Variants in SCUBE1 observed in about 807,000 individuals in gnomAD.
SCUBE1 encodes the protein signal peptide, CUB domain and EGF like domain containing 1.
A neutral mutation model predicts 124.4 loss-of-function variants in SCUBE1; 59 were observed. That is an observed-to-expected ratio of 0.47 (90% confidence interval 0.38 to 0.59). SCUBE1 has a LOEUF of 0.59. SCUBE1 is among the 20% of genes least tolerant of loss of function. SCUBE1 has a pLI of 0.00. For missense variants in SCUBE1, 1,150 were observed against 1,371.2 expected, an observed-to-expected ratio of 0.84 and a Z score of 2.55; for synonymous variants, 545 against 550.9, an observed-to-expected ratio of 0.99 and a Z score of 0.15.
intron 4 of SCUBE1, among the ~76,000 whole-genome samples, chr22:43,270,903 C>G (rs923491521): frequency 5.9e-5 from 9 of 152,224 alleles, no homozygotes; most frequent in African/African-American, 2.2e-4. Flanking sequence ...TGAAAGTTCT[C>G]AGCATGGGAC....
In SCUBE1 at chr22:43,198,035, T is replaced by G. The variant is rs759315787; in HGVS notation, c.*5962A>C. ...GATGGGCTTGAGTTTGATTCCCAAA[T>G]CCAGGGACTACCAACTCTTTGCCTT... is the stretch of plus-strand genomic sequence containing the variant. On this transcript the variant is annotated 3_prime_UTR_variant, in exon 22 of 22. Transcript: ENST00000360835. 1 of 154,346 alleles carries G rather than the reference T, an allele frequency of 6.5e-6. No homozygotes were observed. The highest frequency in any genetic ancestry group is 1.9e-4 in the East Asian group (1 of 5,200). The allele number at this position is 154,346 out of a possible 1,614,324, so 9.6% of individuals were successfully genotyped here. A position where few individuals can be genotyped will look rare whatever the true frequency, so the allele number is the denominator to read the frequency against.
intron 7 of SCUBE1, among the ~76,000 whole-genome samples, chr22:43,235,308 C>T (rs1399248084): frequency 6.6e-6 from 1 of 151,840 alleles, no homozygotes; most frequent in African/African-American, 2.4e-5. Flanking sequence ...TAGGGACGCA[C>T]AGGACACTGG....
rs1443962184 is a variant in SCUBE1 at position 43,211,348 on chromosome 22, T to C, written c.2222-265A>G. Among the ~76,000 whole-genome samples, 1 of 151,726 alleles carries C rather than the reference T, an allele frequency of 6.6e-6. No homozygotes were observed. Among genetic ancestry groups the C allele is most frequent in the Non-Finnish European group, 1.5e-5 (1 of 67,926 alleles). ...ACACAGGCCACCTTGATGGGAGCCA[T>C]TTTCAGGGAGAGCGGGGGCGATGAT... On this transcript the variant is annotated intron_variant, in intron 17 of 21. Transcript: ENST00000360835. This position sits in a 1 kb window ranked among gnomAD's most constrained non-coding sequence, Gnocchi z 4.5.
chr22:43,227,569 G>A, intron 9 of SCUBE1, 73 bp from the exon 10 acceptor site: 2 of 1,563,496 alleles, frequency 1.3e-6, no homozygotes, highest in Non-Finnish European at 1.7e-6. Flanking sequence ...GGACCACCCA[G>A]GGCAAGAGGG....
intron 6 of SCUBE1, among the ~76,000 whole-genome samples, chr22:43,244,228 T>C (rs1923117157): frequency 1.3e-5 from 2 of 152,164 alleles, no homozygotes; most frequent in South Asian, 4.1e-4. Context: ...CCCCTTGGCC[T>C]TGAATAACCA....
At chr22:43,277,608 TA>T (rs1924584730) in intron 4 of SCUBE1, among the ~76,000 whole-genome samples, 1 of 152,198 alleles carries the variant, frequency 6.6e-6, no homozygotes, top group Non-Finnish European at 1.5e-5. Context: ...ACTTCTTCAC[TA>T]CGGACAAGTC....
chr22:43,220,156 G>A (rs546589542), intron 14 of SCUBE1, among the ~76,000 whole-genome samples: 40 of 152,314 alleles, frequency 2.6e-4, no homozygotes, highest in African/African-American at 8.7e-4. Context: ...GTCCTCCCGG[G>A]TCCCAGCAGG....
chr22:43,284,923 A>G (rs737753), intron 4 of SCUBE1, among the ~76,000 whole-genome samples: 1 of 152,082 alleles, frequency 6.6e-6, no homozygotes, highest in African/African-American at 2.4e-5. Context: ...TGGGCTCGAG[A>G]CCCACGAGGA....
At chr22:43,296,562 C>CA (rs1925566868) in intron 3 of SCUBE1, among the ~76,000 whole-genome samples, 1 of 152,246 alleles carries the variant, frequency 6.6e-6, no homozygotes, top group African/African-American at 2.4e-5. Flanking sequence ...AGGCTCCTTT[C>CA]AGGAAATCCT....
At chr22:43,335,226 T>C (rs1927024665) in intron 2 of SCUBE1, among the ~76,000 whole-genome samples, 4 of 152,214 alleles carry the variant, frequency 2.6e-5, no homozygotes, top group Admixed American at 2.6e-4. Context: ...GAGCCCCCAG[T>C]TGTCTCTCCA....
At chr22:43,248,533 A>T (rs1923309873) in intron 6 of SCUBE1, among the ~76,000 whole-genome samples, 1 of 152,208 alleles carries the variant, frequency 6.6e-6, no homozygotes, top group African/African-American at 2.4e-5. Flanking sequence ...CCAGGACTCA[A>T]CCTGGCTGGG....
At chr22:43,288,773 C>T (rs1925245159) in intron 4 of SCUBE1, among the ~76,000 whole-genome samples, 1 of 152,382 alleles carries the variant, frequency 6.6e-6, no homozygotes. Context: ...TCGCCTTCCT[C>T]AGCGTCACAA....
In SCUBE1 at chr22:43,266,866, G is replaced by A. The variant is rs142175236; in HGVS notation, c.485-4021C>T. 2.2e-3 allele frequency among the ~76,000 whole-genome samples: 333 copies of A among 152,308 alleles called. 1 individual carries two copies. Among genetic ancestry groups the A allele is most frequent in the African/African-American group, 7.4e-3 (306 of 41,554 alleles). ...GAAGCTCTCGGAGCAGCCCCTCCAC[G>A]AAGCACATACCCTGGCTCCTCTTTT... On this transcript the variant is annotated intron_variant, in intron 4 of 21. Transcript: ENST00000360835.
chr22:43,252,206 G>A (rs761203254), intron 6 of SCUBE1, among the ~76,000 whole-genome samples: 15 of 152,210 alleles, frequency 9.9e-5, no homozygotes, highest in African/African-American at 2.9e-4. Flanking sequence ...GGCCCAGGCC[G>A]CCGTGCTCGA....
chr22:43,330,484 A>G (rs894306783), intron 2 of SCUBE1, among the ~76,000 whole-genome samples: 1 of 152,278 alleles, frequency 6.6e-6, no homozygotes, highest in African/African-American at 2.4e-5. Context: ...ACATCCTGTT[A>G]TGATCACATC....
chr22:43,290,917 T>C, intron 4 of SCUBE1, 129 bp downstream of exon 4: 2 of 1,005,534 alleles, frequency 2.0e-6, no homozygotes, highest in Non-Finnish European at 2.8e-6. Flanking sequence ...TGCAAAACAG[T>C]CATTCAGACT....
rs529291165 is a variant in SCUBE1, at chr22:43,246,033, G to A, written c.728-7079C>T. ...CTGCAGGGAGGCCTGAGGGCTGGTG[G>A]CACCAGGTGTATGGAAGATGCCCAC... On this transcript the variant is annotated intron_variant, in intron 6 of 21. Transcript: ENST00000360835. Among the ~76,000 whole-genome samples the A allele has an allele frequency of 5.9e-5, 9 of 152,274 alleles. No homozygotes were observed. In the East Asian group the frequency reaches 1.2e-3, roughly 20 times the overall value.
At chr22:43,340,050 C>G (rs528684109) in intron 1 of SCUBE1, among the ~76,000 whole-genome samples, 46 of 148,620 alleles carry the variant, frequency 3.1e-4, no homozygotes, top group Non-Finnish European at 5.1e-4. Flanking sequence ...GAGTTTAAAT[C>G]TAGTCCCTTT....
chr22:43,319,878 C>G (rs1926483465), intron 3 of SCUBE1, 59 bp downstream of exon 3: 2 of 1,593,088 alleles, frequency 1.3e-6, no homozygotes, highest in Non-Finnish European at 1.7e-6. Context: ...ACTCTGTAAG[C>G]TGGAGCAAAG....
Sources: gnomAD v4.1 joint callset for allele counts (sites outside exome capture counted in the v4.1 genomes callset) on GRCh38, gnomAD v4.1.1 for gene constraint, Gnocchi (gnomAD v3.1) non-coding constraint, MANE v1.5 for transcripts, NCBI Gene and HGNC (gene_info 2026-07-23, HGNC 2026-07-21) for gene names.